The following TPD52L1 variants were observed in gnomAD, a reference collection of about 807,000 sequenced individuals.
TPD52L1 encodes tumor protein D53.
Under a neutral mutation model 28.7 loss-of-function variants are expected in TPD52L1, and 18 were observed. The observed-to-expected ratio is 0.63, with a 90% CI of 0.43 to 0.93. The LOEUF is 0.93. Ranked by LOEUF, TPD52L1 falls within the 40% of genes least tolerant of loss-of-function variation. The pLI is 0.00. For synonymous variants in TPD52L1, 75 were observed against 88.8 expected (o/e 0.84, Z 0.88); for missense variants, 203 against 254.8 (o/e 0.80, Z 1.39).
At chr6:125,168,979 C>A (rs947764166) in intron 1 of TPD52L1, among the ~76,000 whole-genome samples, 1 of 152,146 alleles carries the variant, frequency 6.6e-6, no homozygotes, top group Non-Finnish European at 1.5e-5. Context: ...CATGTGGGCG[C>A]TTTCTTGCTC....
chr6:125,161,570 T>G (rs1790523983), intron 1 of TPD52L1, among the ~76,000 whole-genome samples: 1 of 152,138 alleles, frequency 6.6e-6, no homozygotes. Context: ...TTAGAGACTA[T>G]TATAGGGTTA....
intron 1 of TPD52L1, among the ~76,000 whole-genome samples, chr6:125,214,162 T>C (rs1794703767): frequency 6.6e-6 from 1 of 152,142 alleles, no homozygotes; most frequent in Non-Finnish European, 1.5e-5. Context: ...CACTCGCTTC[T>C]GCCCTCCAGT....
intron 1 of TPD52L1, among the ~76,000 whole-genome samples, chr6:125,163,177 C>G (rs1271344839): frequency 6.6e-6 from 1 of 152,150 alleles, no homozygotes; most frequent in Admixed American, 6.6e-5. Flanking sequence ...ATATTTCCAT[C>G]CCAATGGGAT....
At chr6:125,197,959 G>A (rs530921839) in intron 1 of TPD52L1, among the ~76,000 whole-genome samples, 6 of 152,308 alleles carry the variant, frequency 3.9e-5, no homozygotes, top group African/African-American at 1.2e-4. Flanking sequence ...GTTAGCCCTG[G>A]AACTTCTGAG....
intron 1 of TPD52L1, among the ~76,000 whole-genome samples, chr6:125,191,060 G>A (rs181802346): frequency 1.6e-4 from 25 of 152,256 alleles, no homozygotes; most frequent in Non-Finnish European, 2.5e-4. Context: ...TTTGTATATC[G>A]TGTAACATTA....
chr6:125,239,408 T>A (rs946449186), intron 3 of TPD52L1, among the ~76,000 whole-genome samples: 5 of 152,196 alleles, frequency 3.3e-5, no homozygotes, highest in Non-Finnish European at 5.9e-5. Flanking sequence ...CTCACAATTA[T>A]GGCAGAAGGT....
At chr6:125,164,543 C>T (rs1790751584) in intron 1 of TPD52L1, among the ~76,000 whole-genome samples, 1 of 152,180 alleles carries the variant, frequency 6.6e-6, no homozygotes, top group South Asian at 2.1e-4. Flanking sequence ...GCTCTGCATG[C>T]TTCTTTCCAG....
intron 1 of TPD52L1, among the ~76,000 whole-genome samples, chr6:125,210,215 T>C (rs750724308): frequency 4.6e-5 from 7 of 152,212 alleles, no homozygotes; most frequent in Non-Finnish European, 8.8e-5. Context: ...TAATAAGTGT[T>C]CGTTAAAAGA....
intron 1 of TPD52L1, among the ~76,000 whole-genome samples, chr6:125,186,082 C>T (rs1354766351): frequency 2.6e-5 from 4 of 151,866 alleles, no homozygotes; most frequent in African/African-American, 7.3e-5. Context: ...TTAGTAGAGA[C>T]GGTGTTTCAC....
intron 1 of TPD52L1, among the ~76,000 whole-genome samples, chr6:125,175,141 C>T (rs1197979198): frequency 2.6e-5 from 4 of 152,034 alleles, no homozygotes; most frequent in African/African-American, 7.2e-5. Context: ...CATTTAAGCT[C>T]CTTGAGGGCA....
chr6:125,171,497 G>T (rs1791295797), intron 1 of TPD52L1, among the ~76,000 whole-genome samples: 1 of 152,212 alleles, frequency 6.6e-6, no homozygotes, highest in Non-Finnish European at 1.5e-5. Context: ...CGTTTTAGCA[G>T]ACTGGAGCTG....
At chr6:125,213,453 G>T (rs970297578) in intron 1 of TPD52L1, among the ~76,000 whole-genome samples, 1 of 152,014 alleles carries the variant, frequency 6.6e-6, no homozygotes, top group Non-Finnish European at 1.5e-5. Flanking sequence ...TCATGATCTT[G>T]TCTCCCTCAG....
intron 5 of TPD52L1, among the ~76,000 whole-genome samples, chr6:125,256,434 G>A (rs1177251067): frequency 2.0e-5 from 3 of 152,280 alleles, no homozygotes; most frequent in South Asian, 4.1e-4. Context: ...GAAAAATAAC[G>A]CATGCTAATA....
At chr6:125,190,936 G>A (rs1040048699) in intron 1 of TPD52L1, among the ~76,000 whole-genome samples, 1 of 152,120 alleles carries the variant, frequency 6.6e-6, no homozygotes, top group African/African-American at 2.4e-5. Flanking sequence ...CAGGGGTTGG[G>A]GACCCCTGCT....
rs201087968 is a variant in TPD52L1 at position 125,253,759 on chromosome 6, A to G, written c.425+4A>G. On this transcript the variant is annotated splice_donor_region_variant and intron_variant, in intron 5 of 6. Coordinates refer to ENST00000534000, the MANE Select transcript of TPD52L1 (RefSeq NM_003287.4). ...CCATAAGTATGCCTGCTATGAGGTA[A>G]TGTGTGTAAAATATTTTATGTAATA... 1 of 1,608,576 alleles carries G rather than the reference A, an allele frequency of 6.2e-7. No individual in the cohort carries two copies. Among genetic ancestry groups the G allele is most frequent in the Non-Finnish European group, 8.5e-7 (1 of 1,175,436 alleles).
chr6:125,187,783 TACAC>T lies in TPD52L1; in HGVS notation c.20-32287_20-32284del, dbSNP rs1554205144. Among the ~76,000 whole-genome samples the T allele has an allele frequency of 2.0e-5, 3 of 152,262 alleles. No homozygotes were observed. In the South Asian group the frequency reaches 6.2e-4, roughly 32 times the overall value. On this transcript the variant is annotated intron_variant, in intron 1 of 6. Coordinates refer to ENST00000534000, the MANE Select transcript of TPD52L1 (RefSeq NM_003287.4). ...TGTTGTAAATGTGTATGTACACACATACACACACACATTGCCAAAGAATAAATGA... is the reference window on the plus strand; with the variant it reads ...TGTTGTAAATGTGTATGTACACACATACACACATTGCCAAAGAATAAATGA...
intron 4 of TPD52L1, chr6:125,251,979 TA>T (rs1484024189): frequency 6.5e-7 from 1 of 1,535,638 alleles, no homozygotes; most frequent in Admixed American, 2.0e-5. Flanking sequence ...TCCTGTTTGC[TA>T]ACTCTGCTCC....
chr6:125,206,879 C>T (rs909647620), intron 1 of TPD52L1, among the ~76,000 whole-genome samples: 22 of 152,032 alleles, frequency 1.4e-4, no homozygotes, highest in Admixed American at 7.2e-4. Flanking sequence ...GATGAAACCC[C>T]TAAATCACTG....
chr6:125,229,090 C>T (rs1445634390), intron 2 of TPD52L1, 28 bp from the exon 3 acceptor site: 8 of 1,602,616 alleles, frequency 5.0e-6, no homozygotes, highest in Non-Finnish European at 6.8e-6. Flanking sequence ...CTGACATTTT[C>T]CCCCACCATT....
Sources: allele counts gnomAD v4.1 joint callset (sites outside exome capture counted in the v4.1 genomes callset), GRCh38; gene constraint gnomAD v4.1.1; transcripts MANE v1.5; gene names NCBI Gene and HGNC (gene_info 2026-07-23, HGNC 2026-07-21).